Variants in EPB41L3 observed in about 807,000 individuals in gnomAD.
EPB41L3 encodes erythrocyte membrane protein band 4.1 like 3.
EPB41L3 carries 57 observed loss-of-function variants against 127.1 expected under a neutral mutation model. The observed-to-expected ratio is 0.45, with a 90% confidence interval of 0.36 to 0.56. The LOEUF (loss-of-function observed/expected upper bound fraction) is 0.56, where lower values mean the gene tolerates loss of function less well. EPB41L3 is among the 20% of genes least tolerant of loss of function. The pLI is 0.00. For synonymous variants in EPB41L3, 572 were observed against 549.5 expected (o/e 1.04, Z -0.57); for missense variants, 1,273 against 1,372.2 (o/e 0.93, Z 1.14).
intron 16 of EPB41L3, chr18:5,398,748 C>A (rs529825367): frequency 2.5e-6 from 1 of 399,302 alleles, no homozygotes; most frequent in East Asian, 3.6e-5. Context: ...GCTCTTCCTT[C>A]GGGGACCAAA....
At chr18:5,526,031 G>A (rs988575456) in intron 1 of EPB41L3, among the ~76,000 whole-genome samples, 31 of 151,976 alleles carry the variant, frequency 2.0e-4, no homozygotes, top group African/African-American at 7.0e-4. Flanking sequence ...AAACGAGACA[G>A]CTCTATCAGG....
intron 11 of EPB41L3, among the ~76,000 whole-genome samples, chr18:5,421,223 C>A (rs1434070249): frequency 6.6e-6 from 1 of 152,140 alleles, no homozygotes; most frequent in African/African-American, 2.4e-5. Context: ...GTCATTATCA[C>A]ACTAAAGGTC....
intron 20 of EPB41L3, 41 bp from the exon 21 acceptor site, chr18:5,395,188 G>T: frequency 6.4e-7 from 1 of 1,552,922 alleles, no homozygotes. Flanking sequence ...TTACTCACTG[G>T]GAGAAACCAT....
At chr18:5,438,311 C>T (rs1052949362) in intron 5 of EPB41L3, among the ~76,000 whole-genome samples, 10 of 152,154 alleles carry the variant, frequency 6.6e-5, no homozygotes, top group Non-Finnish European at 5.9e-5. Context: ...CCAATCAAAT[C>T]CTTTATTGGT....
intron 1 of EPB41L3, among the ~76,000 whole-genome samples, chr18:5,535,069 C>T (rs1281982491): frequency 6.6e-6 from 1 of 152,156 alleles, no homozygotes; most frequent in Non-Finnish European, 1.5e-5. Flanking sequence ...GCATTTGATT[C>T]ACATTCTTGA....
chr18:5,515,809 C>T (rs1204127444), intron 1 of EPB41L3, among the ~76,000 whole-genome samples: 1 of 152,144 alleles, frequency 6.6e-6, no homozygotes, highest in East Asian at 1.9e-4. Context: ...ATTTTCAAAA[C>T]ACAGAGCACT....
chr18:5,434,973 T>C lies in EPB41L3; in HGVS notation c.606-852A>G, dbSNP rs577636286. 4.6e-5 allele frequency among the ~76,000 whole-genome samples: 7 copies of C among 152,324 alleles called. No individual in the cohort carries two copies. In the South Asian group the frequency reaches 1.4e-3, roughly 32 times the overall value. ...CCAGTGGGACAGGATGTGTAGGCGGTGACAGTGATACTGATGATCTTGACC... is the reference window on the plus strand; with the variant it reads ...CCAGTGGGACAGGATGTGTAGGCGGCGACAGTGATACTGATGATCTTGACC... On this transcript the variant is annotated intron_variant, in intron 6 of 22. Transcript: ENST00000341928.
At chr18:5,511,825 G>A (rs1326495445) in intron 1 of EPB41L3, among the ~76,000 whole-genome samples, 1 of 152,190 alleles carries the variant, frequency 6.6e-6, no homozygotes, top group African/African-American at 2.4e-5. Context: ...ACAGAGATGT[G>A]TGCCAGAGAC....
intron 3 of EPB41L3, among the ~76,000 whole-genome samples, chr18:5,559,974 T>C (rs1478315709): frequency 3.3e-5 from 5 of 152,240 alleles, no homozygotes; most frequent in Non-Finnish European, 7.3e-5. Context: ...AGCCTTCCTT[T>C]ATATGATTTT....
intron 16 of EPB41L3, among the ~76,000 whole-genome samples, chr18:5,404,776 T>G (rs7237045): frequency 0.099 from 15,044 of 152,194 alleles, 1,515 homozygotes; most frequent in African/African-American, 0.25. Flanking sequence ...TTTGTTTGGG[T>G]TGGCTATTTA....
chr18:5,625,131 G>C lies in EPB41L3; in HGVS notation c.-468+3791C>G, dbSNP rs535208468. On this transcript the variant is annotated intron_variant, in intron 1 of 21. Transcript: ENST00000545076. ...CAGGGCTTTGAATACAAATCAAAAG[G>C]AGTTTTCACTCATACTTTAGGAAAC... Among the ~76,000 whole-genome samples the C allele has an allele frequency of 2.6e-5, 4 of 152,236 alleles. No individual in the cohort carries two copies. In the South Asian group the frequency reaches 8.3e-4, roughly 32 times the overall value.
At chr18:5,572,239 G>A (rs535557502) in intron 3 of EPB41L3, among the ~76,000 whole-genome samples, 6 of 152,256 alleles carry the variant, frequency 3.9e-5, no homozygotes, top group South Asian at 4.1e-4. Context: ...ATATCTTCAC[G>A]TTCATGTTTT....
At chr18:5,563,970 G>A (rs1394638705) in intron 3 of EPB41L3, among the ~76,000 whole-genome samples, 1 of 152,074 alleles carries the variant, frequency 6.6e-6, no homozygotes, top group Non-Finnish European at 1.5e-5. Context: ...GAAGCCCTAG[G>A]AAACACCAAC....
intron 3 of EPB41L3, among the ~76,000 whole-genome samples, chr18:5,454,203 TTCC>T (rs768452641): frequency 0.022 from 3,308 of 150,068 alleles, 52 homozygotes; most frequent in Non-Finnish European, 0.035. Context: ...TTTTTTTTGT[TTCC>T]TTGTTTTTTT....
At chr18:5,523,329 T>C (rs1470446425) in intron 1 of EPB41L3, among the ~76,000 whole-genome samples, 1 of 152,206 alleles carries the variant, frequency 6.6e-6, no homozygotes, top group African/African-American at 2.4e-5. Context: ...TTGTTTCTTT[T>C]CTTCTTCAAA....
At chr18:5,630,538 AGTCTCGGGCTC>A (rs781665653), upstream of EPB41L3, 6 of 516,730 alleles carry the variant, frequency 1.2e-5, no homozygotes, top group African/African-American at 1.2e-4. Context: ...TCCGGGGTCC[AGTCTCGGGCTC>A]GGCGGCGGGA....
intron 3 of EPB41L3, among the ~76,000 whole-genome samples, chr18:5,476,008 T>C (rs1341226331): frequency 6.6e-6 from 1 of 152,158 alleles, no homozygotes; most frequent in Non-Finnish European, 1.5e-5. Context: ...CAAACTTTAC[T>C]TTCCATTGTT....
At position 5,478,308 on chromosome 18, in the gene EPB41L3, T is replaced by C; in HGVS notation, c.314A>G (p.Lys105Arg). The C allele has an allele frequency of 1.2e-6, 2 of 1,614,196 alleles. No homozygotes were observed. The highest frequency in any genetic ancestry group is 8.5e-7 in the Non-Finnish European group (1 of 1,180,010). ...TTTGCACTGCATGCTTTTAGGCTTT[T>C]TGACAATCTTTAATGGAGACCGAGA... ...KLSRSPLKIV[K>R]KPKSMQCKVI... is the part of the protein sequence containing the mutation. Residue 105 changes from lysine to arginine, a missense_variant, in exon 3 of 23, where the codon AAA (lysine) becomes AGA (arginine). By Grantham distance (26) the Lys-to-Arg change is conservative. This residue lies in a region of EPB41L3 where 182 missense variants were observed against 149.2 expected (regional missense o/e 1.22). Transcript: ENST00000341928.
chr18:5,394,965 T>C, intron 21 of EPB41L3, 102 bp downstream of exon 21: 1 of 1,303,554 alleles, frequency 7.7e-7, no homozygotes, highest in South Asian at 1.2e-5. Context: ...CGGAATTTTC[T>C]TCGGAATACA....
Sources: gnomAD v4.1 joint callset for allele counts (sites outside exome capture counted in the v4.1 genomes callset) on GRCh38, gnomAD v4.1.1 for gene constraint, gnomAD v4.1.1 regional missense constraint, MANE v1.5 for transcripts, NCBI Gene and HGNC (gene_info 2026-07-23, HGNC 2026-07-21) for gene names.